Variants in EPAS1 observed in about 807,000 individuals in gnomAD.
EPAS1 encodes the protein endothelial PAS domain-containing protein 1.
Under a neutral mutation model 87.9 loss-of-function variants are expected in EPAS1, and 23 were observed. The ratio of observed to expected loss-of-function variants is 0.26; its 90% CI spans 0.19 to 0.37. EPAS1 has a LOEUF of 0.37. EPAS1 is among the 10% of genes least tolerant of loss of function. The pLI, the probability that EPAS1 is intolerant of heterozygous loss-of-function variation, is 1.00. For missense variants in EPAS1, 1,138 were observed against 1,120.7 expected (o/e 1.02, Z -0.22); for synonymous variants, 508 against 444.3 (o/e 1.14, Z -1.80).
At chr2:46,309,469 A>T (rs1683171226) in intron 1 of EPAS1, among the ~76,000 whole-genome samples, 1 of 152,242 alleles carries the variant, frequency 6.6e-6, no homozygotes, top group South Asian at 2.1e-4. Context: ...ACAATGGAAG[A>T]TTGATAGTAA....
intron 6 of EPAS1, among the ~76,000 whole-genome samples, chr2:46,365,929 C>G (rs1475159107): frequency 6.6e-6 from 1 of 152,240 alleles, no homozygotes; most frequent in East Asian, 1.9e-4. Context: ...CAGATACATT[C>G]TTTGGAAAAC....
chr2:46,376,498 G>GA, intron 8 of EPAS1, 41 bp from the exon 9 acceptor site: 1 of 1,609,082 alleles, frequency 6.2e-7, no homozygotes, highest in Non-Finnish European at 8.5e-7. Context: ...AATTTTTCTA[G>GA]AAAATGTGGA....
At position 46,380,025 on chromosome 2, in the gene EPAS1, G is replaced by A. The variant is rs1302988561; in HGVS notation, c.1555-202G>A. ...GAAGAGGGGATAAACATGGGGGAAG[G>A]CTGGTACATGATACAAGGTCGTGTA... On this transcript the variant is annotated intron_variant, in intron 11 of 15. Transcript: ENST00000263734. The surrounding 1 kb of genome is among the most constrained non-coding windows in gnomAD (Gnocchi z 4.4). 4 of 763,158 alleles carry A rather than the reference G, an allele frequency of 5.2e-6. No homozygotes were observed. In the East Asian group the frequency reaches 9.9e-5, roughly 19 times the overall value. 47.3% of individuals were successfully genotyped at this position (763,158 alleles called of 1,614,324 possible).
In EPAS1 at chr2:46,297,720, C is replaced by G. The variant is rs888959292; in HGVS notation, c.-192C>G. 1.6e-6 allele frequency: 1 copy of G among 639,466 alleles called. No homozygotes were observed. The highest frequency in any genetic ancestry group is 1.9e-5 in the African/African-American group (1 of 52,322). 39.6% of individuals were successfully genotyped at this position (639,466 alleles called of 1,614,324 possible). The stretch of plus-strand genomic sequence containing the variant: ...GCAGGTTCCTCCCAGTCACCTTTCT[C>G]CACCCCCGCCCCCGCACCTAGCCCG... On this transcript the variant is annotated 5_prime_UTR_variant, in exon 1 of 16. Coordinates refer to ENST00000263734, the MANE Select transcript of EPAS1 (RefSeq NM_001430.5).
chr2:46,324,716 T>G (rs551195353), intron 1 of EPAS1, among the ~76,000 whole-genome samples: 6 of 152,356 alleles, frequency 3.9e-5, no homozygotes, highest in African/African-American at 1.2e-4. Context: ...AGGCACATTA[T>G]TAAAAGCAGT....
At chr2:46,370,673 A>G (rs1684609745) in intron 7 of EPAS1, among the ~76,000 whole-genome samples, 1 of 152,238 alleles carries the variant, frequency 6.6e-6, no homozygotes. Context: ...AAACCGAGGA[A>G]CTGAACTTTA....
Position 46,377,960 on chromosome 2 carries a change from C to G in EPAS1, c.1316C>G (p.Ala439Gly), listed in dbSNP as rs749115941. ...ATCCTGCCCCCGAGCCAGCCATGGG[C>G]CACGGAGTTGAGGAGCCACAGCACC... Reference protein sequence around the residue: ...KAILPPSQPWATELRSHSTQS... With the variant: ...KAILPPSQPWGTELRSHSTQS... Residue 439 changes from alanine to glycine, a missense_variant, in exon 10 of 16, where the codon GCC becomes GGC. Coordinates refer to ENST00000263734, the MANE Select transcript of EPAS1 (RefSeq NM_001430.5). The G allele has an allele frequency of 4.3e-5, 67 of 1,563,914 alleles. No individual in the cohort carries two copies. The African/African-American group carries it at 5.7e-4, about 13-fold the overall frequency.
chr2:46,317,166 T>C (rs1683360636), intron 1 of EPAS1, among the ~76,000 whole-genome samples: 1 of 152,246 alleles, frequency 6.6e-6, no homozygotes, highest in Non-Finnish European at 1.5e-5. Context: ...AGGTTTGGAA[T>C]TAACTTCTTC....
intron 13 of EPAS1, 50 bp from the exon 14 acceptor site, chr2:46,381,925 A>C (rs774295232): frequency 6.3e-6 from 2 of 316,530 alleles, no homozygotes; most frequent in Non-Finnish European, 1.2e-5. Context: ...CAGTCTGGGG[A>C]CCTGGTTCTC....
chr2:46,361,401 G>A (rs969958612), intron 6 of EPAS1, among the ~76,000 whole-genome samples: 1 of 152,276 alleles, frequency 6.6e-6, no homozygotes, highest in South Asian at 2.1e-4. Context: ...AATTCTCAAG[G>A]CAGTCTTCTG....
intron 15 of EPAS1, among the ~76,000 whole-genome samples, chr2:46,384,045 A>C (rs992284620): frequency 2.0e-5 from 3 of 152,180 alleles, no homozygotes; most frequent in African/African-American, 4.8e-5. Context: ...CGGCAAGAGA[A>C]TAGCACAGAG....
At chr2:46,343,604 T>C (rs1028599633) in intron 1 of EPAS1, among the ~76,000 whole-genome samples, 3 of 152,228 alleles carry the variant, frequency 2.0e-5, no homozygotes, top group Non-Finnish European at 4.4e-5. Flanking sequence ...ATAACACATG[T>C]TAAGAAGAAG....
intron 1 of EPAS1, among the ~76,000 whole-genome samples, chr2:46,299,122 C>T (rs186465313): frequency 2.3e-3 from 344 of 152,386 alleles, no homozygotes; most frequent in African/African-American, 8.2e-3. Flanking sequence ...GGAGGGCTCA[C>T]TGCCGAGGTT....
At chr2:46,340,631 G>T (rs187660506) in intron 1 of EPAS1, among the ~76,000 whole-genome samples, 2 of 152,320 alleles carry the variant, frequency 1.3e-5, no homozygotes, top group East Asian at 3.9e-4. Flanking sequence ...GTGTATTAAA[G>T]CATATTAATG....
rs1444462474 is a variant in EPAS1 at position 46,333,192 on chromosome 2, G to A, written c.27-13681G>A. ...GGAAGCACTAAAGCATTGGAACTCT[G>A]CAATACCCCCACAGCTGGGGGACCG... On this transcript the variant is annotated intron_variant, in intron 1 of 15. Transcript: ENST00000263734. 3.9e-5 allele frequency among the ~76,000 whole-genome samples: 6 copies of A among 152,244 alleles called. No homozygotes were observed. In the East Asian group the frequency reaches 1.2e-3, roughly 29 times the overall value.
At chr2:46,356,057 C>A in intron 2 of EPAS1, 94 bp from the exon 3 acceptor site, 1 of 1,407,772 alleles carries the variant, frequency 7.1e-7, no homozygotes, top group Non-Finnish European at 1.0e-6. Flanking sequence ...CACCCAATGC[C>A]TTTGCACCAT....
intron 7 of EPAS1, among the ~76,000 whole-genome samples, chr2:46,374,043 C>T (rs1004186323): frequency 6.6e-6 from 1 of 152,192 alleles, no homozygotes; most frequent in Non-Finnish European, 1.5e-5. Flanking sequence ...TTTGCAGAAA[C>T]GAATTCATCT....
chr2:46,354,697 C>T (rs78272128), intron 2 of EPAS1, among the ~76,000 whole-genome samples: 2,048 of 152,114 alleles, frequency 0.013, 60 homozygotes, highest in African/African-American at 0.047. Context: ...TCACTCTCTC[C>T]AAACCATTCT....
intron 4 of EPAS1, among the ~76,000 whole-genome samples, chr2:46,358,584 CAG>C (rs1451344383): frequency 1.3e-5 from 2 of 152,222 alleles, no homozygotes; most frequent in African/African-American, 4.8e-5. Context: ...CTCTGTTCCT[CAG>C]AGTCTTTCTT....
Sources: gnomAD v4.1 joint callset for allele counts (sites outside exome capture counted in the v4.1 genomes callset) on GRCh38, gnomAD v4.1.1 for gene constraint, Gnocchi (gnomAD v3.1) non-coding constraint, MANE v1.5 for transcripts, NCBI Gene and HGNC (gene_info 2026-07-23, HGNC 2026-07-21) for gene names.